CADM2: variants seen among roughly 807,000 people sequenced by gnomAD.
The protein encoded by CADM2 is cell adhesion molecule 2.
CADM2 carries 12 observed loss-of-function variants against 49.8 expected under a neutral mutation model. That is an observed-to-expected ratio of 0.24 (90% CI 0.15 to 0.39). CADM2 has a LOEUF of 0.39. CADM2 is among the 10% of genes least tolerant of loss of function. The probability of loss-of-function intolerance (pLI) is 1.00; values close to 1 mark genes in which losing one functional copy is unlikely to be tolerated. For missense variants in CADM2, 378 were observed against 492.3 expected (o/e 0.77, Z 2.20); for synonymous variants, 214 against 175.4 (o/e 1.22, Z -1.74).
intron 7 of CADM2, among the ~76,000 whole-genome samples, chr3:85,945,040 T>C (rs1392226058): frequency 6.6e-6 from 1 of 151,070 alleles, no homozygotes; most frequent in Non-Finnish European, 1.5e-5. Context: ...GCAAGACTAA[T>C]AAAGAAGAAA....
chr3:85,026,166 T>G (rs2034719242), intron 1 of CADM2, among the ~76,000 whole-genome samples: 1 of 152,178 alleles, frequency 6.6e-6, no homozygotes, highest in Non-Finnish European at 1.5e-5. Flanking sequence ...TTGAATAAGT[T>G]TTCATATCAG....
chr3:86,006,107 C>A (rs553656766), intron 8 of CADM2, among the ~76,000 whole-genome samples: 2 of 152,236 alleles, frequency 1.3e-5, no homozygotes, highest in African/African-American at 4.8e-5. Context: ...ATTTTTTAAT[C>A]CATTCATCTG....
chr3:85,134,041 C>T (rs1281987594), intron 1 of CADM2, among the ~76,000 whole-genome samples: 1 of 152,222 alleles, frequency 6.6e-6, no homozygotes, highest in Non-Finnish European at 1.5e-5. Flanking sequence ...AGAAATCGAG[C>T]GCAGCGCCGG....
chr3:85,341,910 C>CA (rs1411579818), intron 1 of CADM2, among the ~76,000 whole-genome samples: 5 of 151,766 alleles, frequency 3.3e-5, no homozygotes, highest in Non-Finnish European at 2.9e-5. Context: ...CCCTGGAAAA[C>CA]AAAAAAAGAA....
chr3:85,697,543 T>A (rs1419936301), intron 1 of CADM2, among the ~76,000 whole-genome samples: 1 of 152,098 alleles, frequency 6.6e-6, no homozygotes, highest in African/African-American at 2.4e-5. Flanking sequence ...AAAGAAAAAA[T>A]ATGTTTTTGT....
At chr3:85,373,868 C>T (rs1046058717) in intron 1 of CADM2, among the ~76,000 whole-genome samples, 1 of 152,170 alleles carries the variant, frequency 6.6e-6, no homozygotes, top group African/African-American at 2.4e-5. Flanking sequence ...CCAGACTGTA[C>T]AAAGCAGCAA....
chr3:85,631,651 T>C (rs1368375505), intron 1 of CADM2, among the ~76,000 whole-genome samples: 1 of 152,128 alleles, frequency 6.6e-6, no homozygotes, highest in African/African-American at 2.4e-5. Flanking sequence ...ACTTACTTAA[T>C]ATTAAATGTG....
At chr3:85,222,048 G>A (rs2042056225) in intron 1 of CADM2, among the ~76,000 whole-genome samples, 1 of 152,146 alleles carries the variant, frequency 6.6e-6, no homozygotes, top group Non-Finnish European at 1.5e-5. Context: ...AAGAATAATA[G>A]TCCATGAGAT....
intron 1 of CADM2, among the ~76,000 whole-genome samples, chr3:85,308,987 C>T (rs2044280191): frequency 6.6e-6 from 1 of 152,070 alleles, no homozygotes; most frequent in Non-Finnish European, 1.5e-5. Context: ...TCCCTGTGCT[C>T]ACAGACTTCA....
rs574144500 is a variant in CADM2 at position 85,394,630 on chromosome 3, T to C, written c.62-331892T>C. 3.3e-5 allele frequency among the ~76,000 whole-genome samples: 5 copies of C among 152,300 alleles called. No homozygotes were observed. In the South Asian group the frequency reaches 1.0e-3, roughly 32 times the overall value. ...TGTGTAAAGTTAACTGGACTTATTG[T>C]ACTCATATAACCGTGGCTTATTTTA... is the stretch of plus-strand genomic sequence containing the variant. On this transcript the variant is annotated intron_variant, in intron 1 of 9. Coordinates refer to ENST00000383699, the MANE Select transcript of CADM2 (RefSeq NM_001167675.2).
intron 8 of CADM2, chr3:86,027,977 C>A (rs1734095409): frequency 1.4e-5 from 2 of 144,428 alleles, no homozygotes; most frequent in African/African-American, 5.2e-5. Flanking sequence ...TACAGGTACT[C>A]TCTTCTAACT....
chr3:85,306,581 G>C (rs1307037301), intron 1 of CADM2, among the ~76,000 whole-genome samples: 1 of 151,620 alleles, frequency 6.6e-6, no homozygotes. Flanking sequence ...TCAAGCCACT[G>C]TTTGTATGTT....
intron 1 of CADM2, among the ~76,000 whole-genome samples, chr3:85,065,840 G>A (rs1255480276): frequency 6.6e-6 from 1 of 152,050 alleles, no homozygotes; most frequent in Non-Finnish European, 1.5e-5. Context: ...TCCAGATTTG[G>A]AGTATATATG....
At chr3:85,241,047 A>G (rs1331953369) in intron 1 of CADM2, among the ~76,000 whole-genome samples, 1 of 151,480 alleles carries the variant, frequency 6.6e-6, no homozygotes, top group Non-Finnish European at 1.5e-5. Flanking sequence ...TTTTGAGCAT[A>G]TAGAAAAGAA....
chr3:85,235,150 T>A lies in CADM2; in HGVS notation c.61+275482T>A, dbSNP rs557694138. Among the ~76,000 whole-genome samples the A allele has an allele frequency of 5.9e-5, 9 of 152,168 alleles. No individual in the cohort carries two copies. In the South Asian group the frequency reaches 8.3e-4, roughly 14 times the overall value. On this transcript the variant is annotated intron_variant, in intron 1 of 9. Coordinates refer to ENST00000383699, the MANE Select transcript of CADM2 (RefSeq NM_001167675.2). ...AGCCAAATCTCTAAACGGAAAAAAA[T>A]TTTTTGGATTTATTTGAGATAAAAC...
intron 1 of CADM2, among the ~76,000 whole-genome samples, chr3:85,389,681 T>C (rs1288160181): frequency 6.6e-6 from 1 of 152,112 alleles, no homozygotes; most frequent in Non-Finnish European, 1.5e-5. Flanking sequence ...TCTCCTTAAC[T>C]TTTCCAGTAG....
At chr3:85,912,130 A>G (rs939295800) in intron 5 of CADM2, among the ~76,000 whole-genome samples, 2 of 151,964 alleles carry the variant, frequency 1.3e-5, no homozygotes, top group African/African-American at 4.8e-5. Flanking sequence ...TACTTTTAGT[A>G]GAGACGGGGT....
intron 1 of CADM2, among the ~76,000 whole-genome samples, chr3:85,213,667 A>G (rs1160428207): frequency 2.6e-5 from 4 of 152,124 alleles, no homozygotes; most frequent in Admixed American, 2.6e-4. Flanking sequence ...GTTCTCTGTT[A>G]TTATCCCTTC....
chr3:85,494,487 G>A (rs1344063734), intron 1 of CADM2, among the ~76,000 whole-genome samples: 2 of 152,032 alleles, frequency 1.3e-5, no homozygotes, highest in African/African-American at 4.8e-5. Context: ...ATTTTAGAAA[G>A]TTCAGTGCTT....
Sources: gnomAD v4.1 joint callset for allele counts (sites outside exome capture counted in the v4.1 genomes callset) on GRCh38, gnomAD v4.1.1 for gene constraint, MANE v1.5 for transcripts, NCBI Gene and HGNC (gene_info 2026-07-23, HGNC 2026-07-21) for gene names.